PPP4R4: variants seen among roughly 807,000 people sequenced by gnomAD.
PPP4R4 encodes the protein serine/threonine-protein phosphatase 4 regulatory subunit 4.
Under a neutral mutation model 121.8 loss-of-function variants are expected in PPP4R4, and 70 were observed. That is an observed-to-expected ratio of 0.57 (90% CI 0.47 to 0.70). The LOEUF is 0.70. Among genes scored for constraint, PPP4R4 ranks in the 30% least tolerant of loss-of-function variants. The probability of loss-of-function intolerance (pLI) is 0.00; values close to 1 mark genes in which losing one functional copy is unlikely to be tolerated. For missense variants in PPP4R4, 875 were observed against 1,033.6 expected, an observed-to-expected ratio of 0.85 and a Z score of 2.10; for synonymous variants, 348 against 355.7, an observed-to-expected ratio of 0.98 and a Z score of 0.24.
At chr14:94,276,922 C>T (rs1285012988) in intron 24 of PPP4R4, among the ~76,000 whole-genome samples, 1 of 152,082 alleles carries the variant, frequency 6.6e-6, no homozygotes, top group Non-Finnish European at 1.5e-5. Context: ...AATGTCAATG[C>T]AGAGTATATT....
chr14:94,211,305 G>A (rs1239834225), intron 3 of PPP4R4, among the ~76,000 whole-genome samples: 6 of 152,144 alleles, frequency 3.9e-5, no homozygotes, highest in Non-Finnish European at 8.8e-5. Flanking sequence ...CACTCTGAGT[G>A]TACAGAACAT....
intron 2 of PPP4R4, among the ~76,000 whole-genome samples, chr14:94,188,554 T>C (rs1483775543): frequency 2.0e-5 from 3 of 152,110 alleles, no homozygotes; most frequent in Non-Finnish European, 4.4e-5. Flanking sequence ...GGGATATGTC[T>C]ATCTTGCCTA....
chr14:94,188,162 G>A (rs1389594757), intron 2 of PPP4R4, among the ~76,000 whole-genome samples: 2 of 151,952 alleles, frequency 1.3e-5, no homozygotes, highest in Non-Finnish European at 2.9e-5. Context: ...ATTGAATCTT[G>A]TAGAATTTTT....
Position 94,230,574 on chromosome 14 carries a change from T to G in PPP4R4, c.295-13T>G, listed in dbSNP as rs538142240. The G allele has an allele frequency of 1.2e-6, 2 of 1,601,246 alleles. No homozygotes were observed. The highest frequency in any genetic ancestry group is 1.7e-6 in the Non-Finnish European group (2 of 1,172,176). ...TCATCTATGTAAATAGCAAACTCTT[T>G]CTGATTATACAGGAAGCCCTGCATG... On this transcript the variant is annotated splice_polypyrimidine_tract_variant and intron_variant, in intron 3 of 24. Coordinates refer to ENST00000304338, the MANE Select transcript of PPP4R4 (RefSeq NM_058237.2).
In PPP4R4 at chr14:94,174,553, A is replaced by C. The variant is rs758937246; in HGVS notation, c.88A>C (p.Ile30Leu). Reference sequence around the variant, plus strand: ...GGAGGACCTGCAGGAGCTCACCATCATCGAGAGGCCGGTCCGCCGGAGCCT... The same window carrying C: ...GGAGGACCTGCAGGAGCTCACCATCCTCGAGAGGCCGGTCCGCCGGAGCCT... ...YMEDLQELTI[I>L]ERPVRRSLKT... is the part of the protein sequence containing the mutation. Residue 30 changes from isoleucine to leucine, a missense_variant, in exon 1 of 25, where the codon ATC (isoleucine) becomes CTC (leucine). Transcript: ENST00000304338. 6.2e-7 allele frequency: 1 copy of C among 1,612,224 alleles called. No homozygotes were observed. Among genetic ancestry groups the C allele is most frequent in the Non-Finnish European group, 8.5e-7 (1 of 1,179,144 alleles).
chr14:94,264,496 A>G (rs1259410665), intron 19 of PPP4R4, among the ~76,000 whole-genome samples: 2 of 152,198 alleles, frequency 1.3e-5, no homozygotes, highest in African/African-American at 4.8e-5. Flanking sequence ...AAAATATCCA[A>G]GACCATTTTC....
rs184935280 is a variant in PPP4R4 at position 94,219,476 on chromosome 14, C to A, written c.294+10910C>A. Among the ~76,000 whole-genome samples the A allele has an allele frequency of 6.6e-5, 10 of 152,198 alleles. No homozygotes were observed. The East Asian group carries it at 1.9e-3, about 29-fold the overall frequency. On this transcript the variant is annotated intron_variant, in intron 3 of 24. Transcript: ENST00000304338. ...ATTAGGGTAAATGTAAAGGAAATAACAATTCTACACAAATTCTTTCAGAAA... is the reference window on the plus strand; with the variant it reads ...ATTAGGGTAAATGTAAAGGAAATAAAAATTCTACACAAATTCTTTCAGAAA...
At chr14:94,242,093 T>C in intron 10 of PPP4R4, 136 bp downstream of exon 10, 1 of 1,145,804 alleles carries the variant, frequency 8.7e-7, no homozygotes, top group East Asian at 2.5e-5. Flanking sequence ...ATGTGCAGAG[T>C]AAATATTTGT....
Position 94,234,727 on chromosome 14 carries a change from G to A in PPP4R4, c.731+58G>A, listed in dbSNP as rs942986605. The A allele has an allele frequency of 3.3e-6, 4 of 1,205,132 alleles. No individual in the cohort carries two copies. The African/African-American group carries it at 6.1e-5, about 18-fold the overall frequency. The allele number at this position is 1,205,132 out of a possible 1,614,324, so 74.7% of individuals were successfully genotyped here. On this transcript the variant is annotated intron_variant, in intron 7 of 24. Coordinates refer to ENST00000304338, the MANE Select transcript of PPP4R4 (RefSeq NM_058237.2). Reference sequence around the variant, plus strand: ...CATGAAAACATGCCATTGAAAGGCTGTATTTGATCTTTAAAAATGATCATA... The same window carrying A: ...CATGAAAACATGCCATTGAAAGGCTATATTTGATCTTTAAAAATGATCATA...
At chr14:94,223,784 A>T (rs1891543216) in intron 3 of PPP4R4, among the ~76,000 whole-genome samples, 1 of 152,260 alleles carries the variant, frequency 6.6e-6, no homozygotes, top group African/African-American at 2.4e-5. Flanking sequence ...CTTTCCTGTT[A>T]TTATTCCTTC....
intron 2 of PPP4R4, among the ~76,000 whole-genome samples, chr14:94,201,974 TCA>T (rs1890214499): frequency 6.8e-6 from 1 of 148,106 alleles, no homozygotes; most frequent in African/African-American, 2.6e-5. Context: ...ATATACACAC[TCA>T]CCATAAAAAG....
intron 3 of PPP4R4, among the ~76,000 whole-genome samples, chr14:94,216,877 T>C (rs771389702): frequency 3.9e-5 from 6 of 152,034 alleles, no homozygotes; most frequent in Non-Finnish European, 8.8e-5. Context: ...GCATAAGCCT[T>C]TTGACACTAG....
chr14:94,207,738 C>G (rs529699417), intron 2 of PPP4R4, among the ~76,000 whole-genome samples: 2 of 151,434 alleles, frequency 1.3e-5, no homozygotes, highest in African/African-American at 4.8e-5. Context: ...ATTTCAAGTA[C>G]TTTCAGAACT....
In PPP4R4 at chr14:94,204,226, CTG is replaced by C. The variant is rs1890341526; in HGVS notation, c.192-4235_192-4234del. 2.0e-5 allele frequency among the ~76,000 whole-genome samples: 3 copies of C among 151,600 alleles called. No individual in the cohort carries two copies. The South Asian group carries it at 6.3e-4, about 32-fold the overall frequency. ...TTAGTTTTATGTTTTAAGTATAAGT[CTG>C]TGATTTACTTTGAGTTAGTGTGAGG... On this transcript the variant is annotated intron_variant, in intron 2 of 24. Transcript: ENST00000304338.
intron 19 of PPP4R4, among the ~76,000 whole-genome samples, chr14:94,260,828 C>T (rs546582768): frequency 1.2e-4 from 18 of 151,950 alleles, no homozygotes; most frequent in Non-Finnish European, 2.1e-4. Flanking sequence ...TTGATGAAGC[C>T]CAGTTTATCA....
intron 23 of PPP4R4, 41 bp from the exon 24 acceptor site, chr14:94,275,333 A>C (rs778384529): frequency 6.3e-7 from 1 of 1,599,854 alleles, no homozygotes; most frequent in East Asian, 2.2e-5. Flanking sequence ...CCTCTTTGTT[A>C]GTATATTTGG....
At chr14:94,235,642 G>A (rs187624174) in intron 7 of PPP4R4, among the ~76,000 whole-genome samples, 62 of 151,244 alleles carry the variant, frequency 4.1e-4, no homozygotes, top group African/African-American at 1.5e-3. Context: ...CTCGTGATCC[G>A]CCTGCCTCGG....
At position 94,209,063 on chromosome 14, in the gene PPP4R4, C is replaced by G. The variant is rs186781684; in HGVS notation, c.294+497C>G. On this transcript the variant is annotated intron_variant, in intron 3 of 24. Transcript: ENST00000304338. ...ATAAATTTCTTCAGAATTAGTTTTTCTGCTATGAACAAAAATGTTTGATCT... is the reference window on the plus strand; with the variant it reads ...ATAAATTTCTTCAGAATTAGTTTTTGTGCTATGAACAAAAATGTTTGATCT... Among the ~76,000 whole-genome samples, 37 of 151,894 alleles carry G rather than the reference C, an allele frequency of 2.4e-4. 1 individual carries two copies. In the East Asian group the frequency reaches 6.8e-3, roughly 28 times the overall value.
chr14:94,178,469 G>C (rs1465884236), intron 2 of PPP4R4, among the ~76,000 whole-genome samples: 1 of 151,292 alleles, frequency 6.6e-6, no homozygotes, highest in Non-Finnish European at 1.5e-5. Flanking sequence ...AGTCAGATGT[G>C]TAAGCATCAG....
Sources: allele counts gnomAD v4.1 joint callset (sites outside exome capture counted in the v4.1 genomes callset), GRCh38; gene constraint gnomAD v4.1.1; transcripts MANE v1.5; gene names NCBI Gene and HGNC (gene_info 2026-07-23, HGNC 2026-07-21).